The following MYO18A variants were observed in gnomAD, a reference collection of about 807,000 sequenced individuals.
MYO18A encodes the protein unconventional myosin-XVIIIa.
A neutral mutation model predicts 235.8 loss-of-function variants in MYO18A; 78 were observed. The observed-to-expected ratio is 0.33, with a 90% CI of 0.28 to 0.40. The LOEUF (loss-of-function observed/expected upper bound fraction) is 0.40, where lower values mean the gene tolerates loss of function less well. Among genes scored for constraint, MYO18A ranks in the 10% least tolerant of loss-of-function variants. MYO18A has a pLI of 1.00. For synonymous variants in MYO18A, 977 were observed against 1,077.8 expected, an observed-to-expected ratio of 0.91 and a Z score of 1.83; for missense variants, 2,215 against 2,699.3, an observed-to-expected ratio of 0.82 and a Z score of 3.98.
intron 40 of MYO18A, among the ~76,000 whole-genome samples, chr17:29,083,966 G>A (rs182438807): frequency 9.0e-4 from 137 of 152,240 alleles, no homozygotes; most frequent in African/African-American, 2.8e-3. Flanking sequence ...CCTTAATACC[G>A]TGCTGTTTAC....
At chr17:29,156,710 T>C (rs952947226) in intron 2 of MYO18A, among the ~76,000 whole-genome samples, 1 of 152,222 alleles carries the variant, frequency 6.6e-6, no homozygotes, top group Non-Finnish European at 1.5e-5. Context: ...AGGAATGAGA[T>C]AACTCAGTAA....
At chr17:29,116,486 C>G in intron 10 of MYO18A, 31 bp from the exon 11 acceptor site, 1 of 1,613,824 alleles carries the variant, frequency 6.2e-7, no homozygotes, top group South Asian at 1.1e-5. Context: ...ATGCAGCATG[C>G]AAAGAAAAAC....
rs957547342 is a variant in MYO18A, at chr17:29,098,835, C to G, written c.3771G>C (p.Arg1257=). 6.8e-6 allele frequency: 11 copies of G among 1,614,008 alleles called. No individual in the cohort carries two copies. The highest frequency in any genetic ancestry group is 9.3e-6 in the Non-Finnish European group (11 of 1,179,872). ...IEVQLSEEQI[R]NKDEEIQQLR... is the part of the protein sequence containing the mutation. ...TCAGGCTGTCACATACGTCTTTGTT[C>G]CGGATCTGCTCCTCTGACAGCTGTA... is the stretch of plus-strand genomic sequence containing the variant. Residue 1257 remains arginine (R), a synonymous_variant, in exon 23 of 42, where the codon CGG becomes CGC. Coordinates refer to ENST00000527372, the MANE Select transcript of MYO18A (RefSeq NM_078471.4).
chr17:29,134,331 C>G (rs1213979882), intron 2 of MYO18A, among the ~76,000 whole-genome samples: 4 of 152,114 alleles, frequency 2.6e-5, no homozygotes, highest in African/African-American at 9.7e-5. Flanking sequence ...GATCCACCCG[C>G]CTTGGCGTCC....
chr17:29,165,847 GATAAC>G, intron 2 of MYO18A, 90 bp downstream of exon 2: 1 of 1,209,430 alleles, frequency 8.3e-7, no homozygotes, highest in Non-Finnish European at 1.2e-6. Flanking sequence ...GCTAGGCTCT[GATAAC>G]AGCTCTTGGG....
chr17:29,090,506 C>T (rs1598283411), intron 36 of MYO18A, 26 bp downstream of exon 36: 3 of 1,565,146 alleles, frequency 1.9e-6, no homozygotes, highest in Non-Finnish European at 2.6e-6. Context: ...CACTCTCTCT[C>T]TCCTGAGGGA....
chr17:29,130,838 G>A (rs1386811013), intron 2 of MYO18A, among the ~76,000 whole-genome samples: 1 of 152,148 alleles, frequency 6.6e-6, no homozygotes, highest in East Asian at 1.9e-4. Context: ...GCTGGGGCTG[G>A]AGGCAGTGAG....
chr17:29,116,497 A>T (rs2067064585), intron 10 of MYO18A, 42 bp from the exon 11 acceptor site: 3 of 1,613,754 alleles, frequency 1.9e-6, no homozygotes, highest in Admixed American at 1.7e-5. Flanking sequence ...AAAGAAAAAC[A>T]GTGTGTTAGC....
intron 2 of MYO18A, among the ~76,000 whole-genome samples, chr17:29,146,843 T>G (rs2172096): frequency 2.0e-5 from 3 of 151,956 alleles, no homozygotes; most frequent in African/African-American, 4.8e-5. Context: ...ACAACACATA[T>G]CTTCTTTTTA....
rs1020535479 is a variant in MYO18A, at chr17:29,128,083, G to A, written c.1000-5830C>T. 1.1e-4 allele frequency: 114 copies of A among 1,026,316 alleles called. No homozygotes were observed. In the Admixed American group the frequency reaches 2.2e-3, roughly 19 times the overall value. 63.6% of individuals were successfully genotyped at this position (1,026,316 alleles called of 1,614,324 possible). On this transcript the variant is annotated intron_variant, in intron 2 of 41. Transcript: ENST00000527372. Reference sequence around the variant, plus strand: ...CCCCCTTCCCAGAAGACTGCTTGCCGCGGGCCTTGTGCTCCTTGCCCCTGC... The same window carrying A: ...CCCCCTTCCCAGAAGACTGCTTGCCACGGGCCTTGTGCTCCTTGCCCCTGC...
intron 2 of MYO18A, among the ~76,000 whole-genome samples, chr17:29,145,581 G>C (rs2067830363): frequency 6.6e-6 from 1 of 152,188 alleles, no homozygotes; most frequent in Non-Finnish European, 1.5e-5. Flanking sequence ...TGAGCTTCCT[G>C]AGGCAGAGGT....
intron 2 of MYO18A, among the ~76,000 whole-genome samples, chr17:29,130,299 C>CAAAAAAAA (rs564370108): frequency 6.1e-4 from 34 of 55,888 alleles, no homozygotes; most frequent in Admixed American, 8.8e-4. Flanking sequence ...AACCCTGTCT[C>CAAAAAAAA]AAAAAAAAAA....
chr17:29,074,989 G>A lies in MYO18A; in HGVS notation c.6021-75C>T, dbSNP rs1327958601. 2.5e-6 allele frequency: 4 copies of A among 1,572,588 alleles called. No homozygotes were observed. The highest frequency in any genetic ancestry group is 3.5e-6 in the Non-Finnish European group (4 of 1,150,398). ...AAGCACGCACGCCTTTGGTTCTGGA[G>A]GCCCACAAAGCTGCGTCAGAGCACT... On this transcript the variant is annotated intron_variant, in intron 41 of 41. Transcript: ENST00000527372. This position sits in a 1 kb window ranked among gnomAD's most constrained non-coding sequence, Gnocchi z 4.4.
chr17:29,107,095 C>T lies in MYO18A; in HGVS notation c.3426G>A (p.Val1142=). The part of the protein sequence containing the change: ...LTKKHGRNYI[V]VDERRAVEEL... ...CTGGACCTACCCGCCTTTCATCCAC[C>T]ACGATGTAGTTACGCCCGTGTTTCT... The change falls in exon 20 of 42, where the codon GTG becomes GTA. Residue 1142 remains valine, a synonymous_variant. Transcript: ENST00000527372. 1 of 1,614,002 alleles carries T rather than the reference C, an allele frequency of 6.2e-7. No individual in the cohort carries two copies. The highest frequency in any genetic ancestry group is 8.5e-7 in the Non-Finnish European group (1 of 1,179,870).
At position 29,166,209 on chromosome 17, in the gene MYO18A, G is replaced by A. The variant is rs572195060; in HGVS notation, c.732C>T (p.Gly244=). 6.8e-6 allele frequency: 11 copies of A among 1,612,738 alleles called. No individual in the cohort carries two copies. The East Asian group carries it at 1.6e-4, about 23-fold the overall frequency. Residue 244 remains glycine, a synonymous_variant, in exon 2 of 42, where the codon GGC becomes GGT. Transcript: ENST00000527372. ...CACGCCGACAGGCCTGGCCCTCGGG[G>A]CCCCGATCCAGCATGGTTGTGCGCC... The part of the protein sequence containing the change: ...SLRRTTMLDR[G]PEGQACRRVV...
intron 2 of MYO18A, among the ~76,000 whole-genome samples, chr17:29,135,598 C>T (rs1368989046): frequency 1.3e-5 from 2 of 152,054 alleles, no homozygotes; most frequent in Non-Finnish European, 2.9e-5. Flanking sequence ...TCAAGTTTTC[C>T]TACTTGTCTA....
chr17:29,134,747 TCCTGACCTCAGGTGACCCA>T (rs2049384872), intron 2 of MYO18A, among the ~76,000 whole-genome samples: 1 of 152,056 alleles, frequency 6.6e-6, no homozygotes, highest in Non-Finnish European at 1.5e-5. Context: ...GGTCTCGAAC[TCCTGACCTCAGGTGACCCA>T]CCTGCCTCAG....
Position 29,110,524 on chromosome 17 carries a change from C to T in MYO18A, c.2999G>A (p.Arg1000His), listed in dbSNP as rs764393653. The T allele has an allele frequency of 5.0e-6, 8 of 1,607,786 alleles. No homozygotes were observed. The African/African-American group carries it at 5.3e-5, about 11-fold the overall frequency. ...GLEGGSQLALRRATSMRKTFT... is the reference protein window; with the variant it reads ...GLEGGSQLALHRATSMRKTFT... ...GGTTTTCCGCATGCTGGTGGCCCGGCGCAGTGCCAGCTGCGAGCCGCCCTC... is the reference window on the plus strand; with the variant it reads ...GGTTTTCCGCATGCTGGTGGCCCGGTGCAGTGCCAGCTGCGAGCCGCCCTC... The change falls in exon 18 of 42, where the codon CGC (arginine) becomes CAC (histidine). Residue 1000 changes from arginine (R) to histidine (H), a missense_variant. Coordinates refer to ENST00000527372, the MANE Select transcript of MYO18A (RefSeq NM_078471.4).
chr17:29,133,113 A>C (rs2152902454), intron 2 of MYO18A, among the ~76,000 whole-genome samples: 1 of 152,310 alleles, frequency 6.6e-6, no homozygotes, highest in South Asian at 2.1e-4. Flanking sequence ...CCAGTGGCTC[A>C]AGTTTGGGAC....
Sources: gnomAD v4.1 joint callset for allele counts (sites outside exome capture counted in the v4.1 genomes callset) on GRCh38, gnomAD v4.1.1 for gene constraint, Gnocchi (gnomAD v3.1) non-coding constraint, MANE v1.5 for transcripts, NCBI Gene and HGNC (gene_info 2026-07-23, HGNC 2026-07-21) for gene names.